INSC: variants seen among roughly 807,000 people sequenced by gnomAD.
INSC encodes the protein protein inscuteable homolog.
A neutral mutation model predicts 58.6 loss-of-function variants in INSC; 67 were observed. The ratio of observed to expected loss-of-function variants is 1.14; its 90% confidence interval spans 0.94 to 1.40. The LOEUF is 1.40. Ranked by LOEUF, INSC falls within the 40% of genes most tolerant of loss-of-function variation. The probability of loss-of-function intolerance (pLI) is 0.00; values close to 1 mark genes in which losing one functional copy is unlikely to be tolerated. For synonymous variants in INSC, 262 were observed against 276.1 expected (o/e 0.95, Z 0.51); for missense variants, 714 against 692.0 (o/e 1.03, Z -0.36).
chr11:15,166,780 T>C (rs1405683252), intron 2 of INSC, among the ~76,000 whole-genome samples: 2 of 152,226 alleles, frequency 1.3e-5, no homozygotes, highest in Non-Finnish European at 2.9e-5. Flanking sequence ...CTTTTGAGGA[T>C]ATCTCAAAGT....
rs1024252092 is a variant in INSC, at chr11:15,178,390, C to T, written c.522C>T (p.Ser174=). The T allele has an allele frequency of 6.2e-7, 1 of 1,613,562 alleles. No homozygotes were observed. Among genetic ancestry groups the T allele is most frequent in the Non-Finnish European group, 8.5e-7 (1 of 1,180,034 alleles). Residue 174 remains serine, a synonymous_variant, in exon 5 of 13, where the codon AGC becomes AGT. Coordinates refer to ENST00000379556, the MANE Select transcript of INSC (RefSeq NM_001042536.3). The stretch of plus-strand genomic sequence containing the variant: ...AGGCCTGCGTGAGTGAGACCCTGAG[C>T]ATGCTGGGCCAGCACTTTGGTCAGC... ...SMKACVSETL[S]MLGQHFGQLL...
intron 1 of INSC, among the ~76,000 whole-genome samples, chr11:15,148,497 G>A (rs1046729695): frequency 1.3e-5 from 2 of 152,216 alleles, no homozygotes; most frequent in African/African-American, 4.8e-5. Flanking sequence ...GAGAAAGAAC[G>A]CTTTTCCTAG....
chr11:15,187,077 C>T (rs879118318), intron 5 of INSC, among the ~76,000 whole-genome samples: 1 of 152,170 alleles, frequency 6.6e-6, no homozygotes, highest in Middle Eastern at 3.4e-3. Context: ...GAAGGATGAC[C>T]TTAGCTGAGA....
At chr11:15,233,444 G>A (rs188164598) in intron 9 of INSC, among the ~76,000 whole-genome samples, 161 of 152,260 alleles carry the variant, frequency 1.1e-3, no homozygotes, top group African/African-American at 3.7e-3. Context: ...TGCACACAAG[G>A]ATGTTTCACA....
chr11:15,241,677 C>G (rs1057338640), intron 12 of INSC: 1 of 701,910 alleles, frequency 1.4e-6, no homozygotes, highest in Admixed American at 2.0e-5. Flanking sequence ...CTTTGGTACT[C>G]TGGTGAAGCT....
chr11:15,123,265 C>T (rs988803001), intron 1 of INSC, among the ~76,000 whole-genome samples: 2 of 152,150 alleles, frequency 1.3e-5, no homozygotes, highest in Admixed American at 1.3e-4. Context: ...ATCATAGTTT[C>T]AATTTTACAT....
At position 15,149,160 on chromosome 11, in the gene INSC, C is replaced by A; in HGVS notation, c.-15C>A. 6.2e-7 allele frequency: 1 copy of A among 1,611,250 alleles called. No individual in the cohort carries two copies. Among genetic ancestry groups the A allele is most frequent in the South Asian group, 1.1e-5 (1 of 90,712 alleles). On this transcript the variant is annotated 5_prime_UTR_variant, in exon 2 of 13. Transcript: ENST00000379556. ...CGACCGCTGCAAGCAGGCTTTGCTG[C>A]AGATTGGGATCAACATGATGGCACT...
rs199560747 is a variant in INSC at position 15,239,047 on chromosome 11, G to A, written c.1366G>A (p.Val456Met). ...TLARLSRDPD[V>M]AREAVRLSCM... ...GGCTCGTCTCAGCCGAGACCCAGATGTGGCACGGGAGGCCGTGCGGCTCAG... is the reference window on the plus strand; with the variant it reads ...GGCTCGTCTCAGCCGAGACCCAGATATGGCACGGGAGGCCGTGCGGCTCAG... Residue 456 changes from valine (V) to methionine (M), a missense_variant, in exon 11 of 13, where the codon GTG becomes ATG. Transcript: ENST00000379556. 2.4e-4 allele frequency: 380 copies of A among 1,613,934 alleles called. No homozygotes were observed. Among genetic ancestry groups the A allele is most frequent in the Admixed American group, 3.3e-4 (20 of 60,024 alleles).
rs994340996 is a variant in INSC at position 15,246,504 on chromosome 11, T to C, written c.*464T>C. ...TGGAAAGAAGTTTCTTTTTCTTTAA[T>C]AAATGGAATCATATAAAATGTATCC... On this transcript the variant is annotated 3_prime_UTR_variant, in exon 13 of 13. Coordinates refer to ENST00000379556, the MANE Select transcript of INSC (RefSeq NM_001042536.3). 6.7e-6 allele frequency: 1 copy of C among 150,272 alleles called. No individual in the cohort carries two copies. The highest frequency in any genetic ancestry group is 1.5e-5 in the Non-Finnish European group (1 of 66,696). 9.3% of individuals were successfully genotyped at this position (150,272 alleles called of 1,614,324 possible).
chr11:15,204,086 C>T (rs1050573174), intron 7 of INSC, among the ~76,000 whole-genome samples: 1 of 152,206 alleles, frequency 6.6e-6, no homozygotes, highest in Non-Finnish European at 1.5e-5. Context: ...CCGGTTCTAG[C>T]AGGTAAGGAA....
chr11:15,212,458 T>A (rs1330692236), intron 7 of INSC, among the ~76,000 whole-genome samples: 1 of 152,178 alleles, frequency 6.6e-6, no homozygotes, highest in Non-Finnish European at 1.5e-5. Flanking sequence ...CCGCCAGAAA[T>A]TGACATCTTA....
At chr11:15,259,566 G>T in the INSC span, among the ~76,000 whole-genome samples, 291 of 152,274 alleles carry the variant, frequency 1.9e-3, 8 homozygotes, top group East Asian at 0.049. Context: ...TCCACTTTTA[G>T]ATGAGAGTTA....
intron 1 of INSC, among the ~76,000 whole-genome samples, chr11:15,126,485 A>G (rs1053278095): frequency 4.6e-5 from 7 of 152,160 alleles, no homozygotes; most frequent in African/African-American, 7.2e-5. Context: ...CTCTTTTAGA[A>G]GCTTCTGGGG....
At chr11:15,160,184 G>A (rs1009788708) in intron 2 of INSC, among the ~76,000 whole-genome samples, 22 of 152,338 alleles carry the variant, frequency 1.4e-4, no homozygotes, top group South Asian at 6.2e-4. Flanking sequence ...TTACAGACGT[G>A]TGGGGCACAT....
At chr11:15,169,518 T>TTTG (rs966873895) in intron 2 of INSC, among the ~76,000 whole-genome samples, 33 of 150,462 alleles carry the variant, frequency 2.2e-4, no homozygotes, top group Admixed American at 2.2e-3. Flanking sequence ...GCTCACAGTT[T>TTTG]TTGTTGTTGT....
At chr11:15,228,692 G>A (rs1317754754) in intron 9 of INSC, among the ~76,000 whole-genome samples, 1 of 152,248 alleles carries the variant, frequency 6.6e-6, no homozygotes, top group Non-Finnish European at 1.5e-5. Flanking sequence ...ATCTGCCAAT[G>A]ACGCCAATGC....
At chr11:15,193,197 A>T (rs1203602868) in intron 6 of INSC, among the ~76,000 whole-genome samples, 1 of 152,258 alleles carries the variant, frequency 6.6e-6, no homozygotes, top group Admixed American at 6.5e-5. Flanking sequence ...TAAGTAAAAG[A>T]TTATAGAATT....
chr11:15,180,694 C>CG (rs756237896), intron 5 of INSC, among the ~76,000 whole-genome samples: 21,996 of 41,544 alleles, frequency 0.53, 5,120 homozygotes, highest in East Asian at 0.87. Flanking sequence ...AGGGGGGGGG[C>CG]GGGGGGGGGT....
intron 1 of INSC, among the ~76,000 whole-genome samples, chr11:15,128,756 G>A (rs947380728): frequency 2.6e-5 from 4 of 152,206 alleles, no homozygotes; most frequent in African/African-American, 9.7e-5. Flanking sequence ...GGACCCAGAG[G>A]TGAGGGGGTA....
Sources: allele counts gnomAD v4.1 joint callset (sites outside exome capture counted in the v4.1 genomes callset), GRCh38; gene constraint gnomAD v4.1.1; transcripts MANE v1.5; gene names NCBI Gene and HGNC (gene_info 2026-07-23, HGNC 2026-07-21).